The following RYR2 variants were observed in gnomAD, a reference collection of about 807,000 sequenced individuals.
RYR2 encodes the protein ryanodine receptor 2.
Under a neutral mutation model 601.1 loss-of-function variants are expected in RYR2, and 227 were observed. That is an observed-to-expected ratio of 0.38 (90% CI 0.34 to 0.42). The LOEUF is 0.42. Ranked by LOEUF, RYR2 falls within the 10% of genes least tolerant of loss-of-function variation. RYR2 has a pLI of 1.00. For synonymous variants in RYR2, 2,223 were observed against 2,175.1 expected, an observed-to-expected ratio of 1.02 and a Z score of -0.61; for missense variants, 4,646 against 6,156.5, an observed-to-expected ratio of 0.75 and a Z score of 8.21.
intron 2 of RYR2, among the ~76,000 whole-genome samples, chr1:237,319,051 A>G (rs1695372186): frequency 6.6e-6 from 1 of 151,976 alleles, no homozygotes; most frequent in Non-Finnish European, 1.5e-5. Context: ...ATTTCTGATA[A>G]TCTATCACTG....
intron 62 of RYR2, among the ~76,000 whole-genome samples, chr1:237,686,200 A>G (rs549116708): frequency 2.3e-4 from 35 of 152,286 alleles, no homozygotes; most frequent in African/African-American, 8.4e-4. Flanking sequence ...TGTTCTCGTT[A>G]TTGGGAAAAA....
intron 25 of RYR2, among the ~76,000 whole-genome samples, chr1:237,530,755 C>A (rs1024857721): frequency 6.6e-6 from 1 of 151,928 alleles, no homozygotes; most frequent in African/African-American, 2.4e-5. Flanking sequence ...ATTAAAAATA[C>A]AAAAATTAGC....
At chr1:237,600,380 G>C (rs756701805) in intron 34 of RYR2, among the ~76,000 whole-genome samples, 20 of 152,080 alleles carry the variant, frequency 1.3e-4, no homozygotes, top group Non-Finnish European at 2.5e-4. Flanking sequence ...AATGGTACAG[G>C]GAAAATTGAA....
chr1:237,488,692 C>T (rs1274439968), intron 17 of RYR2, among the ~76,000 whole-genome samples: 5 of 152,150 alleles, frequency 3.3e-5, no homozygotes, highest in African/African-American at 7.2e-5. Flanking sequence ...TATTCTCCCC[C>T]ACCCTTAAGA....
chr1:237,736,753 G>C lies in RYR2; in HGVS notation c.11091+2997G>C, dbSNP rs1691186899. 2.0e-5 allele frequency among the ~76,000 whole-genome samples: 3 copies of C among 152,206 alleles called. No individual in the cohort carries two copies. The South Asian group carries it at 6.2e-4, about 31-fold the overall frequency. ...GAAATTAAAATAGGACTCACGGACT[G>C]TGAAGGAAGCCTGGTTTATTTTAGG... On this transcript the variant is annotated intron_variant, in intron 79 of 104. Transcript: ENST00000366574.
At chr1:237,722,320 A>G (rs1471940252) in intron 73 of RYR2, among the ~76,000 whole-genome samples, 5 of 151,864 alleles carry the variant, frequency 3.3e-5, no homozygotes, top group Non-Finnish European at 7.4e-5. Flanking sequence ...GGTATTTTAT[A>G]TTTTGTTTTA....
chr1:237,314,719 A>C (rs1694937419), intron 2 of RYR2, among the ~76,000 whole-genome samples: 1 of 152,222 alleles, frequency 6.6e-6, no homozygotes, highest in African/African-American at 2.4e-5. Context: ...GTGATATATT[A>C]TATTGCTTGC....
At chr1:237,437,975 T>C (rs1281609052) in intron 12 of RYR2, among the ~76,000 whole-genome samples, 1 of 152,168 alleles carries the variant, frequency 6.6e-6, no homozygotes, top group Non-Finnish European at 1.5e-5. Flanking sequence ...GAAGGAGGTT[T>C]CCATTTAATA....
chr1:237,301,945 A>G (rs1693392520), intron 2 of RYR2, among the ~76,000 whole-genome samples: 1 of 152,190 alleles, frequency 6.6e-6, no homozygotes, highest in Non-Finnish European at 1.5e-5. Context: ...CCATTGATCT[A>G]AAGAAAAATC....
At chr1:237,121,207 A>G (rs1483054374) in intron 1 of RYR2, 1 of 152,174 alleles carries the variant, frequency 6.6e-6, no homozygotes, top group African/African-American at 2.4e-5. Flanking sequence ...ATGCAGACAA[A>G]TCGGCATACA....
At chr1:237,342,241 G>T (rs1295685823) in intron 3 of RYR2, among the ~76,000 whole-genome samples, 2 of 151,528 alleles carry the variant, frequency 1.3e-5, no homozygotes, top group African/African-American at 4.9e-5. Flanking sequence ...CTCCAATGCT[G>T]GGTCTCAAGG....
chr1:237,148,352 C>T (rs561015488), intron 1 of RYR2, among the ~76,000 whole-genome samples: 5 of 151,432 alleles, frequency 3.3e-5, no homozygotes, highest in South Asian at 4.2e-4. Context: ...TGGGGCCTGT[C>T]GGGAGGGCTG....
intron 53 of RYR2, 91 bp from the exon 54 acceptor site, chr1:237,657,853 A>G: frequency 3.0e-6 from 2 of 663,126 alleles, no homozygotes; most frequent in Non-Finnish European, 5.2e-6. Context: ...TGAATGAGAT[A>G]TAAGCATTCA....
At chr1:237,425,239 A>G (rs1432180301) in intron 12 of RYR2, among the ~76,000 whole-genome samples, 1 of 152,128 alleles carries the variant, frequency 6.6e-6, no homozygotes, top group Non-Finnish European at 1.5e-5. Flanking sequence ...GTTTTGATGA[A>G]TTTCCTTCCT....
chr1:237,613,320 G>A (rs1160285850), intron 36 of RYR2, among the ~76,000 whole-genome samples: 1 of 152,136 alleles, frequency 6.6e-6, no homozygotes, highest in Non-Finnish European at 1.5e-5. Context: ...CTCCCTGGGG[G>A]CAGGAATCAT....
chr1:237,267,775 A>G (rs1218157265), intron 1 of RYR2: 1 of 155,830 alleles, frequency 6.4e-6, no homozygotes, highest in African/African-American at 2.4e-5. Context: ...ATACATGGTA[A>G]AATCAATTGA....
rs1360672979 is a variant in RYR2, at chr1:237,235,469, G to A, written c.49-35028G>A. On this transcript the variant is annotated intron_variant, in intron 1 of 104. Coordinates refer to ENST00000366574, the MANE Select transcript of RYR2 (RefSeq NM_001035.3). The stretch of plus-strand genomic sequence containing the variant: ...AGTTTTATGGTTTCTGTAAACCATG[G>A]GAATGTTTCTCAAAGTGGTTCCCAG... 7.2e-5 allele frequency among the ~76,000 whole-genome samples: 11 copies of A among 152,316 alleles called. No individual in the cohort carries two copies. The South Asian group carries it at 1.7e-3, about 23-fold the overall frequency.
At chr1:237,452,301 A>G (rs1237210668) in intron 14 of RYR2, among the ~76,000 whole-genome samples, 1 of 146,272 alleles carries the variant, frequency 6.8e-6, no homozygotes, top group Non-Finnish European at 1.5e-5. Flanking sequence ...AATTAATGGC[A>G]TATATTAGTA....
intron 1 of RYR2, among the ~76,000 whole-genome samples, chr1:237,099,426 T>G (rs937353410): frequency 1.3e-5 from 2 of 152,014 alleles, no homozygotes; most frequent in African/African-American, 4.8e-5. Context: ...TTCGTAGAGA[T>G]GAGGTCTTGC....
Sources: gnomAD v4.1 joint callset for allele counts (sites outside exome capture counted in the v4.1 genomes callset) on GRCh38, gnomAD v4.1.1 for gene constraint, MANE v1.5 for transcripts, NCBI Gene and HGNC (gene_info 2026-07-23, HGNC 2026-07-21) for gene names.